The following ADGB variants were observed in gnomAD, a reference collection of about 807,000 sequenced individuals.
ADGB encodes the protein calpain-7-like protein.
A neutral mutation model predicts 210.5 loss-of-function variants in ADGB; 172 were observed. The ratio of observed to expected loss-of-function variants is 0.82; its 90% CI spans 0.72 to 0.93. The LOEUF is 0.93. Ranked by LOEUF, ADGB falls within the 40% of genes least tolerant of loss-of-function variation. The probability of loss-of-function intolerance (pLI) is 0.00; values close to 1 mark genes in which losing one functional copy is unlikely to be tolerated. For synonymous variants in ADGB, 658 were observed against 662.7 expected (o/e 0.99, Z 0.11); for missense variants, 2,025 against 1,964.8 (o/e 1.03, Z -0.58).
Position 146,672,201 on chromosome 6 carries a change from T to G in ADGB, c.840-19T>G. On this transcript the variant is annotated intron_variant, in intron 7 of 35. Coordinates refer to ENST00000397944, the MANE Select transcript of ADGB (RefSeq NM_024694.4). ...AAAAAACATCGTTTGGAAATTAATGTTTTTGTCTTTTCTCTTAGCCCGGGA... is the reference window on the plus strand; with the variant it reads ...AAAAAACATCGTTTGGAAATTAATGGTTTTGTCTTTTCTCTTAGCCCGGGA... 6.8e-7 allele frequency: 1 copy of G among 1,462,128 alleles called. No homozygotes were observed. Among genetic ancestry groups the G allele is most frequent in the African/African-American group, 1.4e-5 (1 of 69,220 alleles). The allele number at this position is 1,462,128 out of a possible 1,614,324, so 90.6% of individuals were successfully genotyped here. A position where few individuals can be genotyped will look rare whatever the true frequency, so the allele number is the denominator to read the frequency against.
chr6:146,690,789 C>A (rs546656206), intron 10 of ADGB, among the ~76,000 whole-genome samples: 1 of 152,202 alleles, frequency 6.6e-6, no homozygotes, highest in South Asian at 2.1e-4. Context: ...AAGCATTAAC[C>A]TGTAAAAATA....
At chr6:146,807,215 G>A (rs373189830) in intron 35 of ADGB, among the ~76,000 whole-genome samples, 123 of 152,260 alleles carry the variant, frequency 8.1e-4, no homozygotes, top group African/African-American at 2.8e-3. Context: ...AAAATCTCAT[G>A]AACCCTTTGT....
Position 146,663,660 on chromosome 6 carries a change from A to G in ADGB, c.613-541A>G, listed in dbSNP as rs1031072905. On this transcript the variant is annotated intron_variant, in intron 5 of 35. Coordinates refer to ENST00000397944, the MANE Select transcript of ADGB (RefSeq NM_024694.4). ...ATGTTCAATATAGATATACATGTTC[A>G]GTAATCATACAGTATTTATCCTTTT... Among the ~76,000 whole-genome samples, 29 of 152,074 alleles carry G rather than the reference A, an allele frequency of 1.9e-4. 1 individual carries two copies. The highest frequency in any genetic ancestry group is 6.8e-4 in the African/African-American group (28 of 41,434).
intron 35 of ADGB, among the ~76,000 whole-genome samples, chr6:146,806,272 G>A (rs1291716649): frequency 1.3e-5 from 2 of 152,164 alleles, no homozygotes; most frequent in African/African-American, 4.8e-5. Context: ...TTTGATTGAA[G>A]CCATTTTAAG....
chr6:146,785,560 G>A, intron 31 of ADGB, 50 bp from the exon 32 acceptor site: 1 of 1,433,536 alleles, frequency 7.0e-7, no homozygotes, highest in Non-Finnish European at 9.6e-7. Flanking sequence ...ACCTGTACTG[G>A]TTGTTGCTTT....
chr6:146,670,294 T>C (rs1775989517), intron 7 of ADGB, among the ~76,000 whole-genome samples: 1 of 118,096 alleles, frequency 8.5e-6, no homozygotes, highest in Non-Finnish European at 1.8e-5. Context: ...GTCTTGACCA[T>C]GATCCTCAGA....
intron 9 of ADGB, among the ~76,000 whole-genome samples, chr6:146,677,184 C>T (rs2114908019): frequency 6.6e-6 from 1 of 152,130 alleles, no homozygotes; most frequent in Admixed American, 6.6e-5. Context: ...CAAATTGTAT[C>T]AGGTTGAAAG....
At chr6:146,754,245 T>C (rs1777369965) in intron 27 of ADGB, among the ~76,000 whole-genome samples, 1 of 151,320 alleles carries the variant, frequency 6.6e-6, no homozygotes, top group South Asian at 2.1e-4. Flanking sequence ...TATAATGTAT[T>C]CTTTTTTATT....
chr6:146,636,309 G>A (rs965045572), intron 2 of ADGB, among the ~76,000 whole-genome samples: 3 of 152,008 alleles, frequency 2.0e-5, no homozygotes, highest in African/African-American at 7.2e-5. Flanking sequence ...TTCTGAAATA[G>A]TAAATCTTAG....
chr6:146,697,586 G>A (rs1298836807), intron 12 of ADGB, among the ~76,000 whole-genome samples: 3 of 152,002 alleles, frequency 2.0e-5, no homozygotes, highest in African/African-American at 7.2e-5. Flanking sequence ...AAATAGATTA[G>A]AAGATAATAT....
intron 13 of ADGB, among the ~76,000 whole-genome samples, chr6:146,710,857 A>G (rs73571711): frequency 0.079 from 12,056 of 152,122 alleles, 1,585 homozygotes; most frequent in African/African-American, 0.27. Context: ...TCTGATACAT[A>G]TCTCCATAAT....
chr6:146,629,372 G>T (rs2114852062), intron 1 of ADGB, among the ~76,000 whole-genome samples: 1 of 152,224 alleles, frequency 6.6e-6, no homozygotes, highest in African/African-American at 2.4e-5. Context: ...TAACACTGTA[G>T]GTGATCTATT....
At chr6:146,734,063 T>C (rs1310792701) in intron 22 of ADGB, 33 bp downstream of exon 22, 24 of 1,540,226 alleles carry the variant, frequency 1.6e-5, no homozygotes, top group Non-Finnish European at 1.8e-5. Context: ...AAAATGAACT[T>C]GTTTGTATAA....
chr6:146,628,724 C>T (rs546750370), intron 1 of ADGB, among the ~76,000 whole-genome samples: 1 of 151,862 alleles, frequency 6.6e-6, no homozygotes, highest in African/African-American at 2.4e-5. Flanking sequence ...TTGTAGTTAT[C>T]CTTCGAGGCA....
At chr6:146,712,542 A>G (rs1260715291) in intron 13 of ADGB, among the ~76,000 whole-genome samples, 1 of 151,958 alleles carries the variant, frequency 6.6e-6, no homozygotes, top group East Asian at 1.9e-4. Context: ...TGTGCTGCAT[A>G]CTGCATGAAC....
At chr6:146,733,400 C>A (rs892634007) in intron 21 of ADGB, 145 bp downstream of exon 21, 1 of 747,236 alleles carries the variant, frequency 1.3e-6, no homozygotes, top group Non-Finnish European at 2.0e-6. Flanking sequence ...GCTCAAGGGG[C>A]TCCAAGGACC....
rs946116155 is a variant in ADGB, at chr6:146,759,266, A to G, written c.3551-4635A>G. On this transcript the variant is annotated intron_variant, in intron 27 of 35. Coordinates refer to ENST00000397944, the MANE Select transcript of ADGB (RefSeq NM_024694.4). ...TCAAAATGAGCCAGTCACAGATCTT[A>G]TATACAGACTTCTTTATATCTGTTC... 3.9e-5 allele frequency among the ~76,000 whole-genome samples: 6 copies of G among 151,968 alleles called. No homozygotes were observed. In the East Asian group the frequency reaches 9.7e-4, roughly 24 times the overall value.
chr6:146,803,566 G>T, intron 35 of ADGB: 1 of 1,518,574 alleles, frequency 6.6e-7, no homozygotes, highest in Non-Finnish European at 9.1e-7. Context: ...TATGTAAGCA[G>T]CCAACTGTTT....
chr6:146,786,310 G>C (rs1433766241), intron 32 of ADGB, among the ~76,000 whole-genome samples: 6 of 151,460 alleles, frequency 4.0e-5, no homozygotes, highest in Admixed American at 4.0e-4. Flanking sequence ...TTGGCCTGCA[G>C]ACAGGCCCTT....
Sources: gnomAD v4.1 joint callset for allele counts (sites outside exome capture counted in the v4.1 genomes callset) on GRCh38, gnomAD v4.1.1 for gene constraint, MANE v1.5 for transcripts, NCBI Gene and HGNC (gene_info 2026-07-23, HGNC 2026-07-21) for gene names.